NPC1: variants seen among roughly 807,000 people sequenced by gnomAD.
The protein encoded by NPC1 is NPC intracellular cholesterol transporter 1, also known as Niemann-Pick C1 protein.
NPC1 carries 85 observed loss-of-function variants against 140.4 expected under a neutral mutation model. That is an observed-to-expected ratio of 0.61 (90% CI 0.51 to 0.72). NPC1 has a LOEUF of 0.72. Among genes scored for constraint, NPC1 ranks in the 30% least tolerant of loss-of-function variants. The pLI, the probability that NPC1 is intolerant of heterozygous loss-of-function variation, is 0.00. For missense variants in NPC1, 1,504 were observed against 1,623.8 expected (o/e 0.93, Z 1.27); for synonymous variants, 656 against 624.8 (o/e 1.05, Z -0.74).
At chr18:23,573,415 C>T in intron 2 of NPC1, 37 bp downstream of exon 2, 1 of 1,613,702 alleles carries the variant, frequency 6.2e-7, no homozygotes, top group Non-Finnish European at 8.5e-7. Flanking sequence ...TTGTGATCAG[C>T]ATTTTGTGTT....
At chr18:23,511,388 C>T (rs1163225528) in intron 3 of NPC1, among the ~76,000 whole-genome samples, 3 of 152,152 alleles carry the variant, frequency 2.0e-5, no homozygotes, top group South Asian at 4.1e-4. Flanking sequence ...GACTTAATAC[C>T]TGGGTGATGA....
At chr18:23,535,837 G>A in intron 21 of NPC1, 137 bp from the exon 22 acceptor site, 1 of 714,188 alleles carries the variant, frequency 1.4e-6, no homozygotes, top group Non-Finnish European at 2.5e-6. Context: ...CTGTCTACAA[G>A]ACTCACCGAA....
chr18:23,539,582 CAA>C (rs2058683161), intron 18 of NPC1, 112 bp from the exon 19 acceptor site: 1 of 844,546 alleles, frequency 1.2e-6, no homozygotes, highest in East Asian at 2.7e-5. Flanking sequence ...TGCTAACAGT[CAA>C]AAGAAAAACT....
intron 3 of NPC1, among the ~76,000 whole-genome samples, chr18:23,569,837 C>A (rs1379451156): frequency 6.6e-6 from 1 of 152,196 alleles, no homozygotes; most frequent in African/African-American, 2.4e-5. Flanking sequence ...CATAAGCTGC[C>A]TGCTATCCTT....
At chr18:23,526,583 G>T, downstream of NPC1, 2 of 1,588,676 alleles carry the variant, frequency 1.3e-6, no homozygotes, top group Non-Finnish European at 1.7e-6. Context: ...CCACTTTTGG[G>T]CTTTTGTTAC....
intron 24 of NPC1, chr18:23,532,820 G>GT: frequency 1.1e-6 from 1 of 941,558 alleles, no homozygotes; most frequent in African/African-American, 1.8e-5. Flanking sequence ...CTTCAATTTA[G>GT]TGACAAAGCT....
intron 1 of NPC1, chr18:23,576,468 C>T: frequency 1.0e-6 from 1 of 986,172 alleles, no homozygotes; most frequent in Non-Finnish European, 1.2e-6. Context: ...GCCAGCAGGA[C>T]CCAAAGACTT....
intron 20 of NPC1, 87 bp downstream of exon 20, chr18:23,538,455 C>A: frequency 3.3e-6 from 5 of 1,514,270 alleles, no homozygotes; most frequent in Non-Finnish European, 4.6e-6. Flanking sequence ...CGTTCCCATG[C>A]AACTGTCTTA....
intron 24 of NPC1, chr18:23,533,032 C>A: frequency 2.7e-6 from 2 of 753,826 alleles, no homozygotes; most frequent in Non-Finnish European, 3.2e-6. Flanking sequence ...GCCAGATGGA[C>A]TCCTTCATCT....
intron 3 of NPC1, 110 bp downstream of exon 3, chr18:23,571,964 T>C: frequency 1.9e-6 from 1 of 525,838 alleles, no homozygotes; most frequent in South Asian, 2.1e-5. Context: ...ACATATAATA[T>C]AGACATATAA....
At chr18:23,543,056 G>A (rs1222169342) in intron 14 of NPC1, among the ~76,000 whole-genome samples, 2 of 152,100 alleles carry the variant, frequency 1.3e-5, no homozygotes, top group African/African-American at 2.4e-5. Context: ...GGCTGGGCAC[G>A]GGGGCTCACG....
chr18:23,507,364 ATTC>A (rs1177493763), intron 3 of NPC1, among the ~76,000 whole-genome samples: 36 of 152,258 alleles, frequency 2.4e-4, no homozygotes, highest in African/African-American at 8.7e-4. Context: ...GGCTCAAGTG[ATTC>A]TCTCGCCTCA....
chr18:23,547,742 A>G (rs938347790), intron 11 of NPC1, among the ~76,000 whole-genome samples: 2 of 152,208 alleles, frequency 1.3e-5, no homozygotes, highest in African/African-American at 4.8e-5. Flanking sequence ...CAGTCTCAAA[A>G]AATAAATGAA....
At chr18:23,511,020 T>C (rs2057842159) in intron 3 of NPC1, among the ~76,000 whole-genome samples, 1 of 152,240 alleles carries the variant, frequency 6.6e-6, no homozygotes, top group African/African-American at 2.4e-5. Context: ...TAAAGGCACA[T>C]GCACGTGAAT....
At chr18:23,511,168 C>A (rs1034088060) in intron 3 of NPC1, among the ~76,000 whole-genome samples, 2 of 152,192 alleles carry the variant, frequency 1.3e-5, no homozygotes, top group African/African-American at 4.8e-5. Context: ...AAGATCATGT[C>A]TTTTGTGGGA....
downstream of NPC1, chr18:23,527,765 G>T (rs2058349243): frequency 1.9e-6 from 3 of 1,578,802 alleles, no homozygotes; most frequent in African/African-American, 2.7e-5. Flanking sequence ...AAGTTGGTTT[G>T]ATCCGTGTGT....
chr18:23,559,729 C>T (rs2059010302), intron 6 of NPC1, among the ~76,000 whole-genome samples: 1 of 152,098 alleles, frequency 6.6e-6, no homozygotes, highest in South Asian at 2.1e-4. Context: ...GCGGGCAGAT[C>T]ACCTGAGGTC....
chr18:23,586,506 G>C lies in NPC1; in HGVS notation c.-163C>G. 3 of 1,402,668 alleles carry C rather than the reference G, an allele frequency of 2.1e-6. No homozygotes were observed. Among genetic ancestry groups the C allele is most frequent in the South Asian group, 3.1e-5 (2 of 64,074 alleles). 86.9% of individuals were successfully genotyped at this position (1,402,668 alleles called of 1,614,324 possible). A position where few individuals can be genotyped will look rare whatever the true frequency, so the allele number is the denominator to read the frequency against. ...GCAGGCTGCGCGCGCCGGTCAGGAA[G>C]GAAGAAGGCGTCGTCGGCTCCGCCC... On this transcript the variant is annotated 5_prime_UTR_variant, in exon 1 of 25. Transcript: ENST00000269228.
At chr18:23,586,193 C>G in intron 1 of NPC1, 94 bp downstream of exon 1, 1 of 1,375,956 alleles carries the variant, frequency 7.3e-7, no homozygotes, top group South Asian at 1.3e-5. Flanking sequence ...TTCCCCAGGA[C>G]CCGGGCCTGA....
Sources: gnomAD v4.1 joint callset for allele counts (sites outside exome capture counted in the v4.1 genomes callset) on GRCh38, gnomAD v4.1.1 for gene constraint, MANE v1.5 for transcripts, NCBI Gene and HGNC (gene_info 2026-07-23, HGNC 2026-07-21) for gene names.